The following NCKAP5 variants were observed in gnomAD, a reference collection of about 807,000 sequenced individuals.
NCKAP5 encodes the protein nck-associated protein 5.
In NCKAP5, 92 loss-of-function variants were observed where a neutral mutation model predicts 167.0. That is an observed-to-expected ratio of 0.55 (90% CI 0.47 to 0.66). The LOEUF (loss-of-function observed/expected upper bound fraction) is 0.66, where lower values mean the gene tolerates loss of function less well. Ranked by LOEUF, NCKAP5 falls within the 30% of genes least tolerant of loss-of-function variation. The pLI is 0.00. For missense variants in NCKAP5, 2,378 were observed against 2,315.0 expected (o/e 1.03, Z -0.56); for synonymous variants, 891 against 877.4 (o/e 1.02, Z -0.27).
intron 4 of NCKAP5, among the ~76,000 whole-genome samples, chr2:133,240,421 A>G (rs949164716): frequency 6.6e-6 from 1 of 152,192 alleles, no homozygotes; most frequent in Non-Finnish European, 1.5e-5. Flanking sequence ...GCTCCAATAC[A>G]GTGTCCGTAC....
chr2:133,327,769 A>T (rs1574710888), intron 3 of NCKAP5, among the ~76,000 whole-genome samples: 1 of 152,236 alleles, frequency 6.6e-6, no homozygotes, highest in Admixed American at 6.5e-5. Context: ...ATAAGACAGT[A>T]GCGACATTAA....
chr2:132,692,784 C>T (rs1039975725), intron 19 of NCKAP5, among the ~76,000 whole-genome samples: 4 of 152,260 alleles, frequency 2.6e-5, no homozygotes, highest in East Asian at 1.9e-4. Context: ...AGTTATTACA[C>T]GAGCTAAGTT....
chr2:132,994,337 A>G lies in NCKAP5; in HGVS notation c.342-98T>C, dbSNP rs112427324. On this transcript the variant is annotated intron_variant, in intron 6 of 19. Coordinates refer to ENST00000409261, the MANE Select transcript of NCKAP5 (RefSeq NM_207363.3). ...ATCACTCTTCTATGCGTATTTCCCA[A>G]GCTTCAACCTGGAAATCTCTTTTCT... is the stretch of plus-strand genomic sequence containing the variant. 220 of 794,604 alleles carry G rather than the reference A, an allele frequency of 2.8e-4. 1 individual carries two copies. In the African/African-American group the frequency reaches 3.4e-3, roughly 12 times the overall value. 49.2% of individuals were successfully genotyped at this position (794,604 alleles called of 1,614,324 possible).
intron 5 of NCKAP5, among the ~76,000 whole-genome samples, chr2:133,153,645 T>A (rs2083459039): frequency 6.6e-6 from 1 of 151,940 alleles, no homozygotes. Context: ...CCCTCACCCA[T>A]CAATCCAGCC....
intron 3 of NCKAP5, among the ~76,000 whole-genome samples, chr2:133,399,859 G>C (rs576947250): frequency 2.0e-5 from 3 of 152,210 alleles, no homozygotes; most frequent in Non-Finnish European, 4.4e-5. Flanking sequence ...GTGAAAACTG[G>C]TCAGTTTACA....
At chr2:132,878,676 AC>A (rs1330551823) in intron 9 of NCKAP5, among the ~76,000 whole-genome samples, 171 bp downstream of exon 9, 3 of 149,908 alleles carry the variant, frequency 2.0e-5, no homozygotes, top group African/African-American at 4.9e-5. Context: ...ACACACACAC[AC>A]CGCCCACACA....
rs114018771 is a variant in NCKAP5, at chr2:132,827,189, T to C, written c.808-30460A>G. On this transcript the variant is annotated intron_variant, in intron 11 of 19. Transcript: ENST00000409261. The stretch of plus-strand genomic sequence containing the variant: ...CATTTACTGTATGACAGGCCTGACC[T>C]CACTCCTTAGATGTGATATATATTT... Among the ~76,000 whole-genome samples the C allele has an allele frequency of 6.5e-3, 990 of 152,296 alleles. 13 individuals are homozygous for C. Among genetic ancestry groups the C allele is most frequent in the African/African-American group, 0.023 (940 of 41,554 alleles).
intron 3 of NCKAP5, among the ~76,000 whole-genome samples, chr2:133,505,107 C>G (rs1178404316): frequency 6.6e-6 from 1 of 152,152 alleles, no homozygotes; most frequent in Non-Finnish European, 1.5e-5. Flanking sequence ...ACTATGGGCA[C>G]TTCTGGAAGC....
chr2:132,727,914 AC>A (rs1363745016), intron 18 of NCKAP5, among the ~76,000 whole-genome samples: 9 of 152,088 alleles, frequency 5.9e-5, no homozygotes, highest in African/African-American at 2.2e-4. Context: ...AGTGAGGGAG[AC>A]CTCAGATGTG....
intron 16 of NCKAP5, among the ~76,000 whole-genome samples, chr2:132,760,095 C>CTT (rs1473649108): frequency 6.6e-6 from 1 of 152,114 alleles, no homozygotes; most frequent in African/African-American, 2.4e-5. Context: ...CCTCTTCCCA[C>CTT]TCATTTCCAG....
At chr2:133,229,734 T>C (rs2087056370) in intron 4 of NCKAP5, among the ~76,000 whole-genome samples, 2 of 152,184 alleles carry the variant, frequency 1.3e-5, no homozygotes, top group Admixed American at 1.3e-4. Context: ...CTTAATGCTA[T>C]GCTAGCAACA....
intron 3 of NCKAP5, among the ~76,000 whole-genome samples, chr2:133,375,463 A>C (rs572339741): frequency 6.6e-6 from 1 of 152,226 alleles, no homozygotes; most frequent in Non-Finnish European, 1.5e-5. Flanking sequence ...TCATGGGTAC[A>C]TGTGAAGGAT....
At chr2:133,472,015 G>T (rs533681155) in intron 3 of NCKAP5, among the ~76,000 whole-genome samples, 13 of 152,252 alleles carry the variant, frequency 8.5e-5, no homozygotes, top group Admixed American at 3.9e-4. Context: ...AGAAGCAATT[G>T]TTATAGACTA....
At chr2:133,447,352 C>A (rs11690203) in intron 3 of NCKAP5, among the ~76,000 whole-genome samples, 21,406 of 152,108 alleles carry the variant, frequency 0.14, 1,769 homozygotes, top group African/African-American at 0.22. Context: ...AAATAATAAA[C>A]CTGAATTGAA....
chr2:132,973,124 T>C (rs2076882527), intron 7 of NCKAP5, among the ~76,000 whole-genome samples: 1 of 152,190 alleles, frequency 6.6e-6, no homozygotes, highest in Non-Finnish European at 1.5e-5. Flanking sequence ...CTCAACACGG[T>C]GGCCCTTCTG....
chr2:132,723,728 C>G (rs2105413414), intron 19 of NCKAP5, among the ~76,000 whole-genome samples: 1 of 152,306 alleles, frequency 6.6e-6, no homozygotes, highest in East Asian at 1.9e-4. Flanking sequence ...AGGGAGGTCA[C>G]TTAGCCAGTG....
chr2:133,096,893 C>T (rs994092077), intron 6 of NCKAP5, among the ~76,000 whole-genome samples: 11 of 152,194 alleles, frequency 7.2e-5, no homozygotes, highest in African/African-American at 2.7e-4. Context: ...ATATTTAGAA[C>T]ATGCTTATTA....
chr2:133,606,649 C>A, the NCKAP5 span, among the ~76,000 whole-genome samples: 1 of 149,328 alleles, frequency 6.7e-6, no homozygotes, highest in Non-Finnish European at 1.5e-5. Context: ...CCTACACCTC[C>A]AAAATTTTGC....
chr2:133,427,426 T>C (rs1216730064), intron 3 of NCKAP5, among the ~76,000 whole-genome samples: 3 of 152,180 alleles, frequency 2.0e-5, no homozygotes, highest in South Asian at 2.1e-4. Context: ...TAGGCAAATA[T>C]AGCATGACAG....
Sources: gnomAD v4.1 joint callset for allele counts (sites outside exome capture counted in the v4.1 genomes callset) on GRCh38, gnomAD v4.1.1 for gene constraint, MANE v1.5 for transcripts, NCBI Gene and HGNC (gene_info 2026-07-23, HGNC 2026-07-21) for gene names.